Variants in WFDC11 observed in about 807,000 individuals in gnomAD.
WFDC11 encodes the protein WAP four-disulfide core domain 11, also known as protein WFDC11.
A neutral mutation model predicts 9.9 loss-of-function variants in WFDC11; 9 were observed. The ratio of observed to expected loss-of-function variants is 0.91; its 90% CI spans 0.55 to 1.58. The LOEUF is 1.58. Ranked by LOEUF, WFDC11 falls within the 40% of genes most tolerant of loss-of-function variation. The pLI is 0.00. For synonymous variants in WFDC11, 32 were observed against 33.3 expected, an observed-to-expected ratio of 0.96 and a Z score of 0.13; for missense variants, 106 against 101.7, an observed-to-expected ratio of 1.04 and a Z score of -0.18.
At chr20:45,661,515 T>C (rs1276178989) in intron 2 of WFDC11, among the ~76,000 whole-genome samples, 2 of 152,248 alleles carry the variant, frequency 1.3e-5, no homozygotes, top group Non-Finnish European at 2.9e-5. Flanking sequence ...TGAATGGCAA[T>C]GCCTAGGTTT....
chr20:45,658,381 C>T (rs1375349848), intron 2 of WFDC11, among the ~76,000 whole-genome samples: 1 of 152,120 alleles, frequency 6.6e-6, no homozygotes, highest in African/African-American at 2.4e-5. Context: ...AATCTCTCTG[C>T]TTGTTATTGG....
chr20:45,660,742 G>A (rs1181998522), intron 2 of WFDC11, among the ~76,000 whole-genome samples: 7 of 152,152 alleles, frequency 4.6e-5, no homozygotes, highest in Non-Finnish European at 8.8e-5. Flanking sequence ...CAAAGGACAT[G>A]AACTCACCAT....
At chr20:45,667,680 C>T (rs749828642) in intron 1 of WFDC11, among the ~76,000 whole-genome samples, 5 of 152,126 alleles carry the variant, frequency 3.3e-5, no homozygotes, top group Non-Finnish European at 7.4e-5. Flanking sequence ...TACTCAAATC[C>T]TACATCCCAC....
intron 2 of WFDC11, among the ~76,000 whole-genome samples, chr20:45,651,978 C>A (rs1228165319): frequency 6.6e-6 from 1 of 152,248 alleles, no homozygotes; most frequent in African/African-American, 2.4e-5. Context: ...CTCAAGAGGC[C>A]TGCCTGCCTC....
At chr20:45,660,663 G>C (rs1327830635) in intron 2 of WFDC11, among the ~76,000 whole-genome samples, 1 of 152,108 alleles carries the variant, frequency 6.6e-6, no homozygotes, top group Non-Finnish European at 1.5e-5. Flanking sequence ...AGAATACGCG[G>C]TGTTTGGTTT....
intron 2 of WFDC11, among the ~76,000 whole-genome samples, chr20:45,664,079 A>C (rs191243426): frequency 6.6e-6 from 1 of 152,228 alleles, no homozygotes; most frequent in Admixed American, 6.6e-5. Context: ...GCAGGTCTCT[A>C]AGGACTTGCT....
intron 2 of WFDC11, among the ~76,000 whole-genome samples, chr20:45,651,697 G>T (rs150932816): frequency 1.3e-4 from 20 of 150,660 alleles, no homozygotes; most frequent in Non-Finnish European, 2.4e-4. Flanking sequence ...TCAAAGAAAG[G>T]GGTGACAGAC....
At chr20:45,666,717 C>T (rs999058523) in intron 2 of WFDC11, among the ~76,000 whole-genome samples, 2 of 152,150 alleles carry the variant, frequency 1.3e-5, no homozygotes. Flanking sequence ...TGTTCTTTTT[C>T]TTTTATGAAA....
At chr20:45,668,329 T>A (rs909920876) in intron 1 of WFDC11, among the ~76,000 whole-genome samples, 4 of 152,158 alleles carry the variant, frequency 2.6e-5, no homozygotes, top group African/African-American at 9.7e-5. Flanking sequence ...GATGAGAAAG[T>A]GGGAAAGTGG....
chr20:45,652,803 A>G (rs6130878), intron 2 of WFDC11, among the ~76,000 whole-genome samples: 29,679 of 152,174 alleles, frequency 0.2, 3,197 homozygotes, highest in East Asian at 0.32. Flanking sequence ...CTCAGTAGCC[A>G]ATTCGATCAA....
intron 2 of WFDC11, among the ~76,000 whole-genome samples, chr20:45,652,148 C>T (rs1396722254): frequency 6.6e-6 from 1 of 152,186 alleles, no homozygotes; most frequent in Non-Finnish European, 1.5e-5. Flanking sequence ...CAAGTGGGTC[C>T]CTGACCCCCG....
chr20:45,654,261 C>T (rs1483852598), intron 2 of WFDC11, among the ~76,000 whole-genome samples: 1 of 152,178 alleles, frequency 6.6e-6, no homozygotes, highest in Non-Finnish European at 1.5e-5. Flanking sequence ...CAAACTAGAA[C>T]TCAGGATTAA....
intron 4 of WFDC11, 92 bp downstream of exon 4, chr20:45,649,165 G>A: frequency 6.8e-7 from 1 of 1,469,374 alleles, no homozygotes; most frequent in Non-Finnish European, 9.2e-7. Context: ...AGAATTTGGG[G>A]TACCTCAGTC....
intron 1 of WFDC11, among the ~76,000 whole-genome samples, chr20:45,669,267 C>A (rs928539781): frequency 6.6e-6 from 1 of 152,184 alleles, no homozygotes; most frequent in South Asian, 2.1e-4. Context: ...TAACTCATTT[C>A]ACTTCTGGAA....
intron 2 of WFDC11, among the ~76,000 whole-genome samples, chr20:45,663,537 C>G (rs1983120187): frequency 6.6e-6 from 1 of 152,070 alleles, no homozygotes; most frequent in South Asian, 2.1e-4. Context: ...GATTTTAGAC[C>G]TTCCCTGCTT....
At chr20:45,665,502 G>C (rs1983169436) in intron 2 of WFDC11, among the ~76,000 whole-genome samples, 1 of 152,180 alleles carries the variant, frequency 6.6e-6, no homozygotes, top group Non-Finnish European at 1.5e-5. Flanking sequence ...AGGCACTCTG[G>C]TTTTTAGAAT....
intron 2 of WFDC11, among the ~76,000 whole-genome samples, chr20:45,656,481 C>A (rs541952086): frequency 6.6e-6 from 1 of 152,248 alleles, no homozygotes; most frequent in East Asian, 1.9e-4. Flanking sequence ...ACCATAAAAA[C>A]CCTGGAAGAA....
At chr20:45,665,029 C>A (rs185309623) in intron 2 of WFDC11, among the ~76,000 whole-genome samples, 61 of 152,326 alleles carry the variant, frequency 4.0e-4, no homozygotes, top group African/African-American at 1.5e-3. Context: ...TGGTTCCATT[C>A]TTCTCATCAC....
At chr20:45,654,739 A>G (rs1174296170) in intron 2 of WFDC11, among the ~76,000 whole-genome samples, 1 of 152,232 alleles carries the variant, frequency 6.6e-6, no homozygotes, top group Non-Finnish European at 1.5e-5. Flanking sequence ...ATAAAAAATG[A>G]TAAAGGGGAT....
Sources: allele counts gnomAD v4.1 joint callset (sites outside exome capture counted in the v4.1 genomes callset), GRCh38; gene constraint gnomAD v4.1.1; transcripts MANE v1.5; gene names NCBI Gene and HGNC (gene_info 2026-07-23, HGNC 2026-07-21).